The following ERICH1 variants were observed in gnomAD, a reference collection of about 807,000 sequenced individuals.
ERICH1 encodes the protein glutamate rich 1.
ERICH1 carries 56 observed loss-of-function variants against 39.6 expected under a neutral mutation model. The observed-to-expected ratio is 1.41, with a 90% CI of 1.14 to 1.77. The LOEUF (loss-of-function observed/expected upper bound fraction) is 1.77, where lower values mean the gene tolerates loss of function less well. Among genes scored for constraint, ERICH1 ranks in the 40% most tolerant of loss-of-function variants. The pLI is 0.00. For missense variants in ERICH1, 826 were observed against 575.4 expected (o/e 1.44, Z -4.45); for synonymous variants, 313 against 223.6 (o/e 1.40, Z -3.57).
intron 1 of ERICH1, among the ~76,000 whole-genome samples, chr8:730,609 GT>G (rs1819762835): frequency 6.6e-6 from 1 of 152,156 alleles, no homozygotes; most frequent in Admixed American, 6.5e-5. Flanking sequence ...CCTGTCTTTG[GT>G]ACTAATGCTA....
At chr8:700,234 G>GA (rs1811638045) in intron 2 of ERICH1, among the ~76,000 whole-genome samples, 1 of 47,358 alleles carries the variant, frequency 2.1e-5, no homozygotes, top group Non-Finnish European at 4.6e-5. Flanking sequence ...CACGCGCACA[G>GA]GCCCGCACAG....
chr8:701,948 G>C (rs1300257289), intron 2 of ERICH1, among the ~76,000 whole-genome samples: 1 of 151,936 alleles, frequency 6.6e-6, no homozygotes, highest in African/African-American at 2.4e-5. Flanking sequence ...AAATTAGCCA[G>C]GCATGGTGGC....
intron 3 of ERICH1, among the ~76,000 whole-genome samples, chr8:652,577 A>G (rs1052184454): frequency 3.3e-5 from 5 of 152,216 alleles, no homozygotes; most frequent in African/African-American, 1.2e-4. Flanking sequence ...TGTTCTGCTG[A>G]TAATTCCTAT....
intron 2 of ERICH1, among the ~76,000 whole-genome samples, chr8:710,678 C>A (rs990893625): frequency 8.5e-5 from 13 of 152,182 alleles, no homozygotes; most frequent in African/African-American, 3.1e-4. Flanking sequence ...CATTTAAGGT[C>A]CCATCATGTC....
rs113808309 is a variant in ERICH1 at position 634,183 on chromosome 8, A to ACAAACAAAAAACAAAC, written c.977-18900_977-18899insGTTTGTTTTTTGTTTG. 6.2e-3 allele frequency among the ~76,000 whole-genome samples: 839 copies of ACAAACAAAAAACAAAC among 135,774 alleles called. 4 individuals carry two copies. The highest frequency in any genetic ancestry group is 0.013 in the African/African-American group (432 of 34,318). 89.1% of individuals were successfully genotyped at this position (135,774 alleles called of 152,430 possible). A position where few individuals can be genotyped will look rare whatever the true frequency, so the allele number is the denominator to read the frequency against. On this transcript the variant is annotated intron_variant, in intron 3 of 3. Transcript: ENST00000522706. ...TCCTAAAACTCAAAAAAAAAAAAAA[A>ACAAACAAAAAACAAAC]AAACAAACAAAAAAAACCCTGATTC...
chr8:662,412 G>A (rs1801557687), downstream of ERICH1, among the ~76,000 whole-genome samples: 1 of 152,212 alleles, frequency 6.6e-6, no homozygotes, highest in South Asian at 2.1e-4. Flanking sequence ...ACTTTGGAAG[G>A]GTGAGACGGG....
chr8:661,512 CCTGA>C (rs570401561), downstream of ERICH1, among the ~76,000 whole-genome samples: 256 of 152,296 alleles, frequency 1.7e-3, no homozygotes, highest in Non-Finnish European at 2.5e-3. Flanking sequence ...TCCTCATGCT[CCTGA>C]CTGTTTCCTT....
At chr8:711,709 G>T (rs947757586) in intron 2 of ERICH1, among the ~76,000 whole-genome samples, 19 of 152,146 alleles carry the variant, frequency 1.2e-4, no homozygotes, top group Admixed American at 1.1e-3. Context: ...ATGTTAGCCA[G>T]GATGGTGTCG....
chr8:681,024 T>C (rs1193815516), intron 3 of ERICH1, among the ~76,000 whole-genome samples: 1 of 152,234 alleles, frequency 6.6e-6, no homozygotes, highest in African/African-American at 2.4e-5. Context: ...ACTCATGAAC[T>C]GCACACTTTG....
chr8:664,018 C>T (rs559835554), downstream of ERICH1, among the ~76,000 whole-genome samples: 1 of 152,308 alleles, frequency 6.6e-6, no homozygotes, highest in East Asian at 1.9e-4. Context: ...CTCGGTCTCC[C>T]AAAGTGCCAG....
At chr8:694,268 T>C (rs1359895079) in intron 2 of ERICH1, among the ~76,000 whole-genome samples, 2 of 152,240 alleles carry the variant, frequency 1.3e-5, no homozygotes, top group Non-Finnish European at 2.9e-5. Flanking sequence ...TTAATTACTA[T>C]GTCATTCCCT....
intron 3 of ERICH1, among the ~76,000 whole-genome samples, chr8:632,697 C>T (rs1322234212): frequency 6.6e-6 from 1 of 152,214 alleles, no homozygotes; most frequent in South Asian, 2.1e-4. Context: ...CACGCTCAGT[C>T]CCACCAGTGC....
Position 674,033 on chromosome 8 carries a change from C to G in ERICH1, c.319G>C (p.Asp107His). The G allele has an allele frequency of 1.3e-6, 2 of 1,559,152 alleles. No homozygotes were observed. The highest frequency in any genetic ancestry group is 1.7e-6 in the Non-Finnish European group (2 of 1,166,734). The change falls in exon 4 of 6, where the codon GAC becomes CAC. Residue 107 changes from aspartate (D) to histidine (H), a missense_variant. Coordinates refer to ENST00000262109, the MANE Select transcript of ERICH1 (RefSeq NM_207332.3). ...CTAATTCTTCTTCTCTTTGGCTGGTCATGAGGATCCTGATCTGTTAAAAAA... is the reference window on the plus strand; with the variant it reads ...CTAATTCTTCTTCTCTTTGGCTGGTGATGAGGATCCTGATCTGTTAAAAAA... The part of the protein sequence containing the change: ...GDDTEDQDPH[D>H]QPKRRRIRKH...
At chr8:670,383 G>T (rs1021631240) in intron 4 of ERICH1, among the ~76,000 whole-genome samples, 4 of 152,094 alleles carry the variant, frequency 2.6e-5, no homozygotes, top group African/African-American at 9.7e-5. Flanking sequence ...GGCATGCCCG[G>T]TAAACTGTTG....
intron 3 of ERICH1, among the ~76,000 whole-genome samples, chr8:686,350 T>G (rs1208135136): frequency 6.6e-6 from 1 of 152,216 alleles, no homozygotes; most frequent in African/African-American, 2.4e-5. Context: ...TAGGAATATG[T>G]GCCAACAATA....
intron 3 of ERICH1, among the ~76,000 whole-genome samples, chr8:685,848 A>AT (rs1450526670): frequency 6.6e-6 from 1 of 151,860 alleles, no homozygotes; most frequent in African/African-American, 2.4e-5. Flanking sequence ...TTCATGTATT[A>AT]TTTTTTCAAT....
At chr8:705,474 T>C (rs576733979) in intron 2 of ERICH1, among the ~76,000 whole-genome samples, 26 of 152,264 alleles carry the variant, frequency 1.7e-4, no homozygotes, top group African/African-American at 6.0e-4. Flanking sequence ...TTCAAAAATA[T>C]GTTGTTCATG....
intron 2 of ERICH1, among the ~76,000 whole-genome samples, chr8:703,984 C>A (rs1208849414): frequency 6.6e-6 from 1 of 152,172 alleles, no homozygotes; most frequent in Non-Finnish European, 1.5e-5. Context: ...AGGCCAGAAG[C>A]AGAACCTCAA....
intron 3 of ERICH1, among the ~76,000 whole-genome samples, chr8:642,899 T>TC (rs1799177996): frequency 6.6e-6 from 1 of 152,112 alleles, no homozygotes. Context: ...CCAACAGGAA[T>TC]CCCTCAGGCT....
Sources: allele counts gnomAD v4.1 joint callset (sites outside exome capture counted in the v4.1 genomes callset), GRCh38; gene constraint gnomAD v4.1.1; transcripts MANE v1.5; gene names NCBI Gene and HGNC (gene_info 2026-07-23, HGNC 2026-07-21).